Variants in SOX6 observed in about 807,000 individuals in gnomAD.
The protein encoded by SOX6 is transcription factor SOX-6.
In SOX6, 11 loss-of-function variants were observed where a neutral mutation model predicts 97.8. The ratio of observed to expected loss-of-function variants is 0.11; its 90% CI spans 0.07 to 0.19. SOX6 has a LOEUF of 0.19. Among genes scored for constraint, SOX6 ranks in the 10% least tolerant of loss-of-function variants. The pLI, the probability that SOX6 is intolerant of heterozygous loss-of-function variation, is 1.00. For synonymous variants in SOX6, 360 were observed against 371.4 expected, an observed-to-expected ratio of 0.97 and a Z score of 0.35; for missense variants, 810 against 1,039.5, an observed-to-expected ratio of 0.78 and a Z score of 3.04.
At chr11:16,668,256 C>G (rs1032173474) in intron 3 of SOX6, among the ~76,000 whole-genome samples, 6 of 148,080 alleles carry the variant, frequency 4.1e-5, no homozygotes, top group Middle Eastern at 3.4e-3. Flanking sequence ...GCCTGTAGTC[C>G]CAACTACTCC....
At chr11:16,715,353 G>A (rs1460455480) in intron 2 of SOX6, among the ~76,000 whole-genome samples, 1 of 151,976 alleles carries the variant, frequency 6.6e-6, no homozygotes, top group East Asian at 1.9e-4. Flanking sequence ...ACCTTTTTTA[G>A]TATGGCTACT....
chr11:16,579,403 T>C (rs1211330760), intron 4 of SOX6, among the ~76,000 whole-genome samples: 3 of 151,860 alleles, frequency 2.0e-5, no homozygotes, highest in African/African-American at 4.8e-5. Flanking sequence ...CTATAAAACA[T>C]CCCCAGTACC....
intron 3 of SOX6, among the ~76,000 whole-genome samples, chr11:16,643,928 G>A (rs916562293): frequency 2.0e-5 from 3 of 152,222 alleles, no homozygotes; most frequent in African/African-American, 7.2e-5. Flanking sequence ...TGCACCCACT[G>A]TCTGACACTC....
At chr11:16,413,396 A>T (rs1421396224) in intron 1 of SOX6, among the ~76,000 whole-genome samples, 1 of 151,740 alleles carries the variant, frequency 6.6e-6, no homozygotes, top group Non-Finnish European at 1.5e-5. Context: ...ATTTATTTTG[A>T]TGGATCCTCA....
rs1385567917 is a variant in SOX6 at position 16,136,343 on chromosome 11, G to GT, written c.778-24421_778-24420insA. Reference sequence around the variant, plus strand: ...TAAGGTATGTACATTGTGTGTGTGTGGTTTTTTTTTTTTTTTTTTTGACAT... The same window carrying GT: ...TAAGGTATGTACATTGTGTGTGTGTGTGTTTTTTTTTTTTTTTTTTTGACAT... On this transcript the variant is annotated intron_variant, in intron 6 of 15. Coordinates refer to ENST00000683767, the MANE Select transcript of SOX6 (RefSeq NM_001367873.1). Among the ~76,000 whole-genome samples the GT allele has an allele frequency of 1.1e-4, 11 of 98,762 alleles. No individual in the cohort carries two copies. In the South Asian group the frequency reaches 1.6e-3, roughly 15 times the overall value. The allele number at this position is 98,762 out of a possible 152,430, so 64.8% of individuals were successfully genotyped here. A position where few individuals can be genotyped will look rare whatever the true frequency, so the allele number is the denominator to read the frequency against.
intron 3 of SOX6, among the ~76,000 whole-genome samples, chr11:16,688,464 T>C (rs1238255042): frequency 6.6e-6 from 1 of 152,212 alleles, no homozygotes; most frequent in East Asian, 1.9e-4. Flanking sequence ...TTTTTTCTGG[T>C]CATTTTTCGC....
intron 13 of SOX6, among the ~76,000 whole-genome samples, chr11:16,009,016 C>T (rs928155764): frequency 5.3e-5 from 8 of 151,998 alleles, no homozygotes; most frequent in Non-Finnish European, 8.8e-5. Context: ...AATGCCTGGA[C>T]GCCATTTTGG....
At chr11:16,354,125 G>A (rs953280860) in intron 1 of SOX6, among the ~76,000 whole-genome samples, 4 of 151,938 alleles carry the variant, frequency 2.6e-5, no homozygotes, top group African/African-American at 9.7e-5. Context: ...CTATGTCTGT[G>A]AACTTCAGAA....
chr11:16,408,965 A>G (rs1018177982), intron 1 of SOX6: 7 of 152,128 alleles, frequency 4.6e-5, no homozygotes, highest in Non-Finnish European at 1.0e-4. Flanking sequence ...GAGAAGTTCT[A>G]CCCTTTTGCC....
chr11:16,197,308 T>C (rs1377584081), intron 4 of SOX6, among the ~76,000 whole-genome samples: 1 of 152,212 alleles, frequency 6.6e-6, no homozygotes, highest in East Asian at 1.9e-4. Flanking sequence ...GGTGTGGCTG[T>C]TGCAACTACT....
intron 4 of SOX6, among the ~76,000 whole-genome samples, chr11:16,543,050 ATGC>A (rs778953273): frequency 2.0e-5 from 3 of 152,086 alleles, no homozygotes; most frequent in Non-Finnish European, 2.9e-5. Context: ...ACAAATACAC[ATGC>A]TGCTATTAGA....
At chr11:16,559,684 G>A (rs992522450) in intron 4 of SOX6, among the ~76,000 whole-genome samples, 7 of 152,038 alleles carry the variant, frequency 4.6e-5, no homozygotes, top group African/African-American at 1.7e-4. Flanking sequence ...ACACAAAAAT[G>A]CACATTTCTA....
upstream of SOX6, among the ~76,000 whole-genome samples, chr11:16,360,863 C>T (rs1478716537): frequency 2.0e-5 from 3 of 151,868 alleles, no homozygotes; most frequent in Admixed American, 2.0e-4. Flanking sequence ...GTTGGCCGGG[C>T]ATGGTGGCAG....
In SOX6 at chr11:16,567,542, T is replaced by C. The variant is rs1411397755; in HGVS notation, n.609+44539A>G. ...TAAATACATTGTTTCTCTGTATTAA[T>C]GGTATGTCATATTTTTTTCTTTTTT... On this transcript the variant is annotated intron_variant and non_coding_transcript_variant, in intron 4 of 5. Transcript: ENST00000524520. 2.0e-5 allele frequency among the ~76,000 whole-genome samples: 3 copies of C among 149,954 alleles called. 1 individual carries two copies. Among genetic ancestry groups the C allele is most frequent in the Non-Finnish European group, 3.0e-5 (2 of 67,506 alleles).
chr11:16,007,973 C>A (rs1348625651), intron 13 of SOX6, among the ~76,000 whole-genome samples: 1 of 152,040 alleles, frequency 6.6e-6, no homozygotes, highest in East Asian at 1.9e-4. Flanking sequence ...GAAGTACAGT[C>A]ATTACTCAGT....
At chr11:16,144,269 T>C (rs907006792) in intron 6 of SOX6, among the ~76,000 whole-genome samples, 17 of 152,100 alleles carry the variant, frequency 1.1e-4, no homozygotes, top group Non-Finnish European at 1.9e-4. Context: ...CATAAGGAAA[T>C]GAAGGCAGAA....
chr11:16,560,582 T>TATATGTTCATACGTAC (rs1565180712), intron 4 of SOX6, among the ~76,000 whole-genome samples: 8 of 108,776 alleles, frequency 7.4e-5, no homozygotes, highest in African/African-American at 2.9e-4. Context: ...TATACGTACA[T>TATATGTTCATACGTAC]ATATGTTTAT....
intron 1 of SOX6, among the ~76,000 whole-genome samples, chr11:16,406,739 A>C (rs1858694434): frequency 6.6e-6 from 1 of 152,246 alleles, no homozygotes; most frequent in South Asian, 2.1e-4. Context: ...AGGATAAAGA[A>C]GAACTGGGTT....
chr11:16,030,827 A>T (rs549477462), intron 12 of SOX6, among the ~76,000 whole-genome samples: 3 of 152,264 alleles, frequency 2.0e-5, no homozygotes, highest in Middle Eastern at 6.8e-3. Flanking sequence ...TGTTTTATTT[A>T]TGGAAAAAAA....
Sources: allele counts gnomAD v4.1 joint callset (sites outside exome capture counted in the v4.1 genomes callset), GRCh38; gene constraint gnomAD v4.1.1; transcripts MANE v1.5; gene names NCBI Gene and HGNC (gene_info 2026-07-23, HGNC 2026-07-21).